GABRG3: variants seen among roughly 807,000 people sequenced by gnomAD.
The protein encoded by GABRG3 is gamma-aminobutyric acid type A receptor subunit gamma3, also known as gamma-aminobutyric acid receptor subunit gamma-3.
Under a neutral mutation model 48.8 loss-of-function variants are expected in GABRG3, and 25 were observed. The ratio of observed to expected loss-of-function variants is 0.51; its 90% CI spans 0.37 to 0.72. The LOEUF (loss-of-function observed/expected upper bound fraction) is 0.72. GABRG3 is among the 30% of genes least tolerant of loss of function. The probability of loss-of-function intolerance (pLI) is 0.00; values close to 1 mark genes in which losing one functional copy is unlikely to be tolerated. For missense variants in GABRG3, 394 were observed against 577.9 expected (o/e 0.68, Z 3.26); for synonymous variants, 227 against 217.6 (o/e 1.04, Z -0.38).
intron 3 of GABRG3, among the ~76,000 whole-genome samples, chr15:27,169,407 G>A (rs1393225077): frequency 6.6e-6 from 1 of 152,136 alleles, no homozygotes; most frequent in Non-Finnish European, 1.5e-5. Flanking sequence ...ACTGATTGAA[G>A]GCCAGTGAGT....
chr15:27,070,750 A>G (rs1394231662), intron 3 of GABRG3, among the ~76,000 whole-genome samples: 1 of 152,218 alleles, frequency 6.6e-6, no homozygotes, highest in East Asian at 1.9e-4. Context: ...TGGTAGGGTG[A>G]TTTATTTAGA....
intron 3 of GABRG3, among the ~76,000 whole-genome samples, chr15:27,187,861 A>G (rs1291267931): frequency 2.0e-5 from 3 of 149,676 alleles, no homozygotes; most frequent in Non-Finnish European, 3.0e-5. Flanking sequence ...ATATCTCCCA[A>G]TGCTATCCTT....
intron 5 of GABRG3, chr15:27,419,105 T>C (rs1381842517): frequency 6.6e-6 from 1 of 152,280 alleles, no homozygotes; most frequent in East Asian, 1.9e-4. Flanking sequence ...GCCACATTGG[T>C]ACGATAGGTC....
At chr15:27,495,672 T>C (rs1406112329) in intron 6 of GABRG3, among the ~76,000 whole-genome samples, 2 of 152,246 alleles carry the variant, frequency 1.3e-5, no homozygotes, top group Non-Finnish European at 2.9e-5. Flanking sequence ...CATTTCAATT[T>C]TAAAATTTCC....
chr15:27,239,242 T>G (rs114349503), intron 3 of GABRG3, among the ~76,000 whole-genome samples: 60 of 152,358 alleles, frequency 3.9e-4, no homozygotes, highest in African/African-American at 1.4e-3. Flanking sequence ...TTTTTTTGTC[T>G]AAAGCTGCAA....
intron 6 of GABRG3, among the ~76,000 whole-genome samples, chr15:27,498,556 C>T (rs1174838445): frequency 4.0e-5 from 6 of 151,178 alleles, no homozygotes; most frequent in South Asian, 2.1e-4. Context: ...AGTGCAGTGG[C>T]GTGATGTCGG....
At chr15:27,383,640 C>A (rs1000299590) in intron 5 of GABRG3, among the ~76,000 whole-genome samples, 1 of 151,850 alleles carries the variant, frequency 6.6e-6, no homozygotes, top group Admixed American at 6.6e-5. Flanking sequence ...GAACATGGGT[C>A]ACCTAGTGTT....
intron 3 of GABRG3, among the ~76,000 whole-genome samples, chr15:27,042,065 C>T (rs541171254): frequency 1.3e-5 from 2 of 152,298 alleles, no homozygotes; most frequent in South Asian, 2.1e-4. Flanking sequence ...GCAGGGAGCC[C>T]AGGCTGACCT....
rs1890344087 is a variant in GABRG3, at chr15:27,248,782, A to ACG, written c.271-78026_271-78025insGC. 1.4e-4 allele frequency among the ~76,000 whole-genome samples: 15 copies of ACG among 108,800 alleles called. No individual in the cohort carries two copies. In the South Asian group the frequency reaches 4.6e-3, roughly 33 times the overall value. The allele number at this position is 108,800 out of a possible 152,430, so 71.4% of individuals were successfully genotyped here. A position where few individuals can be genotyped will look rare whatever the true frequency, so the allele number is the denominator to read the frequency against. Reference sequence around the variant, plus strand: ...TGAGAAGGAAAACACACACACACACACACACACACACACACACACACAGAG... The same window carrying ACG: ...TGAGAAGGAAAACACACACACACACACGCACACACACACACACACACACAGAG... On this transcript the variant is annotated intron_variant, in intron 3 of 9. Transcript: ENST00000615808.
At chr15:27,005,108 T>G (rs1214468551) in intron 2 of GABRG3, among the ~76,000 whole-genome samples, 2 of 152,228 alleles carry the variant, frequency 1.3e-5, no homozygotes, top group African/African-American at 4.8e-5. Context: ...TATAACAGTT[T>G]TAGAAATTTT....
intron 3 of GABRG3, among the ~76,000 whole-genome samples, chr15:27,112,811 T>C (rs962806998): frequency 1.3e-5 from 2 of 152,210 alleles, no homozygotes; most frequent in African/African-American, 4.8e-5. Flanking sequence ...TATCAATCAG[T>C]CAGCTAACCC....
intron 3 of GABRG3, among the ~76,000 whole-genome samples, chr15:27,182,501 A>G (rs148873048): frequency 2.0e-4 from 30 of 152,296 alleles, no homozygotes; most frequent in African/African-American, 7.0e-4. Context: ...ACTGTGTTTG[A>G]ATGTGAACCC....
At chr15:27,039,024 G>T (rs2140695976) in intron 3 of GABRG3, among the ~76,000 whole-genome samples, 1 of 152,316 alleles carries the variant, frequency 6.6e-6, no homozygotes, top group East Asian at 1.9e-4. Flanking sequence ...AAAGACTCCA[G>T]TGAAGAGCTG....
chr15:27,214,759 A>G (rs12907995), intron 3 of GABRG3, among the ~76,000 whole-genome samples: 9,438 of 150,842 alleles, frequency 0.063, 541 homozygotes, highest in East Asian at 0.16. Flanking sequence ...AATCCTGGTC[A>G]CTGGTATTGA....
intron 5 of GABRG3, among the ~76,000 whole-genome samples, chr15:27,362,108 G>A (rs760277698): frequency 6.6e-6 from 1 of 152,100 alleles, no homozygotes; most frequent in Non-Finnish European, 1.5e-5. Flanking sequence ...TTATTTGTTC[G>A]CATGAATTTC....
intron 2 of GABRG3, among the ~76,000 whole-genome samples, chr15:27,002,726 T>C (rs568372606): frequency 3.5e-4 from 39 of 110,216 alleles, no homozygotes; most frequent in Non-Finnish European, 4.6e-4. Flanking sequence ...CTGGGAAACA[T>C]AGTGAGACCG....
Position 27,344,558 on chromosome 15 carries a change from T to C in GABRG3, c.574+15670T>C, listed in dbSNP as rs559488989. On this transcript the variant is annotated intron_variant, in intron 5 of 9. Coordinates refer to ENST00000615808, the MANE Select transcript of GABRG3 (RefSeq NM_033223.5). ...TACTGAGAACCTTTGTAAGGATATG[T>C]AATTTTTATAATAAAGTTATTTTGA... Among the ~76,000 whole-genome samples the C allele has an allele frequency of 2.9e-4, 44 of 152,344 alleles. No homozygotes were observed. In the East Asian group the frequency reaches 3.3e-3, roughly 11 times the overall value.
intron 3 of GABRG3, among the ~76,000 whole-genome samples, chr15:27,139,987 C>G (rs2140389008): frequency 6.6e-6 from 1 of 152,310 alleles, no homozygotes; most frequent in Admixed American, 6.5e-5. Flanking sequence ...AGCTTCCGGA[C>G]AGGTGAGGAT....
At position 27,181,459 on chromosome 15, in the gene GABRG3, C is replaced by T. The variant is rs112324956; in HGVS notation, c.271-145350C>T. On this transcript the variant is annotated intron_variant, in intron 3 of 9. Coordinates refer to ENST00000615808, the MANE Select transcript of GABRG3 (RefSeq NM_033223.5). ...CAGATGGGGAAGGCTGTAATACAGA[C>T]TTGTGGCTGCACAGAGCCACCATAC... is the stretch of plus-strand genomic sequence containing the variant. 8.5e-3 allele frequency among the ~76,000 whole-genome samples: 1,289 copies of T among 152,248 alleles called. 17 individuals are homozygous for T. The highest frequency in any genetic ancestry group is 0.03 in the African/African-American group (1,244 of 41,530).
Sources: allele counts gnomAD v4.1 joint callset (sites outside exome capture counted in the v4.1 genomes callset), GRCh38; gene constraint gnomAD v4.1.1; transcripts MANE v1.5; gene names NCBI Gene and HGNC (gene_info 2026-07-23, HGNC 2026-07-21).